ANXA8: variants seen among roughly 807,000 people sequenced by gnomAD.
The protein encoded by ANXA8 is VAC-beta.
A neutral mutation model predicts 26.8 loss-of-function variants in ANXA8; 9 were observed. That is an observed-to-expected ratio of 0.34 (90% CI 0.20 to 0.59). ANXA8 has a LOEUF of 0.59. Ranked by LOEUF, ANXA8 falls within the 20% of genes least tolerant of loss-of-function variation. The pLI is 0.84. For synonymous variants in ANXA8, 39 were observed against 94.8 expected, an observed-to-expected ratio of 0.41 and a Z score of 3.42; for missense variants, 83 against 238.5, an observed-to-expected ratio of 0.35 and a Z score of 4.29.
At chr10:47,589,852 T>C in the ANXA8 span, among the ~76,000 whole-genome samples, 1 of 144,232 alleles carries the variant, frequency 6.9e-6, no homozygotes, top group African/African-American at 2.9e-5. Flanking sequence ...AGATCTAAGA[T>C]CTCACCTAGT....
the ANXA8 span, among the ~76,000 whole-genome samples, chr10:47,680,404 G>C: frequency 6.6e-6 from 1 of 151,890 alleles, no homozygotes; most frequent in Non-Finnish European, 1.5e-5. Context: ...GGAGTCTGCG[G>C]TGGGTGGATC....
At chr10:47,506,834 T>C in the ANXA8 span, among the ~76,000 whole-genome samples, 1 of 138,466 alleles carries the variant, frequency 7.2e-6, no homozygotes, top group African/African-American at 2.6e-5. Context: ...AGAGACGGGG[T>C]TTCGCCGTGT....
chr10:47,669,947 A>G, the ANXA8 span, among the ~76,000 whole-genome samples: 1 of 151,882 alleles, frequency 6.6e-6, no homozygotes, highest in Non-Finnish European at 1.5e-5. Flanking sequence ...AGCCATCACT[A>G]CTTTCTAGTT....
the ANXA8 span, among the ~76,000 whole-genome samples, chr10:47,973,907 G>C: frequency 6.6e-6 from 1 of 151,060 alleles, no homozygotes; most frequent in Non-Finnish European, 1.5e-5. Flanking sequence ...GCTTTTTGTT[G>C]TTGTCGTTGG....
In ANXA8 at chr10:47,474,981, G is replaced by C; in HGVS notation, c.516C>G (p.Ser172Arg). Reference sequence around the variant, plus strand: ...GGAGGGCCAGTCCTGGGTCCACAAAGCTGCTCACATCATCCCTGCTGCCCT... The same window carrying C: ...GGAGGGCCAGTCCTGGGTCCACAAACCTGCTCACATCATCCCTGCTGCCCT... ...LLQGSRDDVS[S>R]FVDPGLALQD... The change falls in exon 7 of 12, where the codon AGC (serine) becomes AGG (arginine). Residue 172 changes from serine to arginine, a missense_variant. Ser to Arg is a moderately radical substitution (Grantham distance 110). Coordinates refer to ENST00000585281, the MANE Select transcript of ANXA8 (RefSeq NM_001040084.3). The C allele has an allele frequency of 2.6e-6, 4 of 1,530,656 alleles. 1 individual carries two copies. Among genetic ancestry groups the C allele is most frequent in the African/African-American group, 2.8e-5 (2 of 71,546 alleles). The allele number at this position is 1,530,656 out of a possible 1,614,324, so 94.8% of individuals were successfully genotyped here.
the ANXA8 span, among the ~76,000 whole-genome samples, chr10:47,669,500 C>T: frequency 6.6e-6 from 1 of 151,658 alleles, no homozygotes; most frequent in South Asian, 2.1e-4. Flanking sequence ...AGGTAGACTC[C>T]TTGCATCTGG....
At chr10:47,676,207 CAT>C in the ANXA8 span, among the ~76,000 whole-genome samples, 1 of 151,620 alleles carries the variant, frequency 6.6e-6, no homozygotes, top group South Asian at 2.1e-4. Context: ...GATGGTCTAA[CAT>C]ATATGTAATT....
At chr10:47,559,128 T>A in the ANXA8 span, among the ~76,000 whole-genome samples, 100 of 149,402 alleles carry the variant, frequency 6.7e-4, 2 homozygotes, top group South Asian at 0.021. Context: ...AGTAACTTCC[T>A]TTTTGGAGTC....
At chr10:47,615,148 AT>A in the ANXA8 span, among the ~76,000 whole-genome samples, 6 of 73,624 alleles carry the variant, frequency 8.1e-5, 3 homozygotes, top group African/African-American at 2.4e-4. Flanking sequence ...ATTTATATGA[AT>A]TTTTTTGACA....
At chr10:47,491,702 G>C in the ANXA8 span, 1 of 1,542,510 alleles carries the variant, frequency 6.5e-7, no homozygotes, top group Non-Finnish European at 8.8e-7. Flanking sequence ...TGGCGAACTA[G>C]GATGCTGAGG....
the ANXA8 span, among the ~76,000 whole-genome samples, chr10:47,896,814 G>A: frequency 6.6e-6 from 1 of 151,998 alleles, no homozygotes; most frequent in African/African-American, 2.4e-5. Flanking sequence ...TTAGGTCAAA[G>A]ACAGGTATTC....
the ANXA8 span, among the ~76,000 whole-genome samples, chr10:47,701,142 GA>G: frequency 2.7e-5 from 4 of 148,726 alleles, no homozygotes; most frequent in Non-Finnish European, 5.9e-5. Flanking sequence ...ACTTATTAGA[GA>G]AATTCAAATT....
the ANXA8 span, among the ~76,000 whole-genome samples, chr10:47,733,193 CTTTCTTTCT>C: frequency 9.4e-5 from 11 of 117,042 alleles, no homozygotes; most frequent in African/African-American, 2.8e-4. Context: ...TTCTTTCTTT[CTTTCTTTCT>C]TTCTTTCTTT....
At chr10:47,627,152 C>T in the ANXA8 span, among the ~76,000 whole-genome samples, 1 of 149,892 alleles carries the variant, frequency 6.7e-6, no homozygotes, top group East Asian at 1.9e-4. Context: ...GACTGTACTC[C>T]TCTGTAATCT....
the ANXA8 span, among the ~76,000 whole-genome samples, chr10:47,969,367 T>A: frequency 1.3e-5 from 2 of 151,022 alleles, no homozygotes; most frequent in South Asian, 2.1e-4. Context: ...CTGTAACAAA[T>A]TTCCACAAAT....
chr10:47,659,805 G>A, the ANXA8 span, among the ~76,000 whole-genome samples: 7 of 147,314 alleles, frequency 4.8e-5, no homozygotes, highest in African/African-American at 1.8e-4. Flanking sequence ...GGCTGAGGCT[G>A]GGGTGCAGTG....
the ANXA8 span, among the ~76,000 whole-genome samples, chr10:47,521,813 C>G: frequency 6.6e-6 from 1 of 151,238 alleles, no homozygotes; most frequent in African/African-American, 2.4e-5. Flanking sequence ...CGGAGTCTCG[C>G]TCTGTCACCC....
the ANXA8 span, among the ~76,000 whole-genome samples, chr10:47,943,944 G>A: frequency 6.8e-6 from 1 of 147,942 alleles, no homozygotes; most frequent in Non-Finnish European, 1.5e-5. Context: ...AGGCCTCCCC[G>A]TGGAGCAGTG....
At chr10:47,697,218 C>T in the ANXA8 span, among the ~76,000 whole-genome samples, 6 of 152,220 alleles carry the variant, frequency 3.9e-5, no homozygotes, top group Non-Finnish European at 8.8e-5. Context: ...CAGTCTTTGT[C>T]TTTAGGCAAG....
Sources: allele counts gnomAD v4.1 joint callset (sites outside exome capture counted in the v4.1 genomes callset), GRCh38; gene constraint gnomAD v4.1.1; transcripts MANE v1.5; gene names NCBI Gene and HGNC (gene_info 2026-07-23, HGNC 2026-07-21).